ATRNL1: variants seen among roughly 807,000 people sequenced by gnomAD.
The protein encoded by ATRNL1 is attractin like 1.
In ATRNL1, 95 loss-of-function variants were observed where a neutral mutation model predicts 182.7. The observed-to-expected ratio is 0.52, with a 90% CI of 0.44 to 0.62. The LOEUF (loss-of-function observed/expected upper bound fraction) is 0.62. Ranked by LOEUF, ATRNL1 falls within the 20% of genes least tolerant of loss-of-function variation. The pLI is 0.00. For synonymous variants in ATRNL1, 576 were observed against 568.3 expected (o/e 1.01, Z -0.19); for missense variants, 1,471 against 1,679.5 (o/e 0.88, Z 2.17).
At chr10:115,258,980 C>T (rs1434770885) in intron 10 of ATRNL1, among the ~76,000 whole-genome samples, 1 of 152,130 alleles carries the variant, frequency 6.6e-6, no homozygotes, top group East Asian at 1.9e-4. Context: ...GCCTGATCCT[C>T]CCTCTGGAAG....
intron 24 of ATRNL1, among the ~76,000 whole-genome samples, chr10:115,514,042 T>C (rs17724010): frequency 0.21 from 32,425 of 151,864 alleles, 3,495 homozygotes; most frequent in South Asian, 0.25. Context: ...ACTTTACCCA[T>C]ACACTTCATC....
chr10:115,748,144 C>T (rs1241958811), intron 27 of ATRNL1, among the ~76,000 whole-genome samples: 1 of 151,880 alleles, frequency 6.6e-6, no homozygotes, highest in Non-Finnish European at 1.5e-5. Flanking sequence ...GCTAGTGAAG[C>T]CTGTAAGTCA....
chr10:115,112,432 T>A (rs1554868414), intron 1 of ATRNL1, among the ~76,000 whole-genome samples: 1 of 152,138 alleles, frequency 6.6e-6, no homozygotes. Context: ...GATTTCAAAT[T>A]TTTTTTGCAC....
intron 14 of ATRNL1, 37 bp from the exon 15 acceptor site, chr10:115,286,179 G>A: frequency 2.0e-6 from 2 of 1,011,656 alleles, no homozygotes; most frequent in Non-Finnish European, 3.0e-6. Context: ...TTGCTTTTTG[G>A]TAATCTAACA....
At chr10:115,257,828 G>T (rs1851220432) in intron 10 of ATRNL1, among the ~76,000 whole-genome samples, 1 of 152,172 alleles carries the variant, frequency 6.6e-6, no homozygotes, top group African/African-American at 2.4e-5. Flanking sequence ...CTCAGCATTT[G>T]CTTGTCTGTA....
chr10:115,164,804 G>C (rs1554883999), intron 6 of ATRNL1, among the ~76,000 whole-genome samples: 2 of 152,098 alleles, frequency 1.3e-5, no homozygotes, highest in Non-Finnish European at 2.9e-5. Flanking sequence ...TAGAATGGTG[G>C]CTACCACAGC....
chr10:115,696,761 G>C (rs1946572462), intron 26 of ATRNL1, among the ~76,000 whole-genome samples: 2 of 151,954 alleles, frequency 1.3e-5, no homozygotes, highest in Non-Finnish European at 1.5e-5. Context: ...AATTTATGAT[G>C]AAAAGAGGTT....
At chr10:115,776,381 G>A (rs117693354) in intron 27 of ATRNL1, among the ~76,000 whole-genome samples, 1,587 of 152,268 alleles carry the variant, frequency 0.01, 17 homozygotes, top group Middle Eastern at 0.017. Flanking sequence ...TCATAATAAT[G>A]TACAGTTGCT....
At chr10:115,527,996 C>CCCTT (rs1256687871) in intron 25 of ATRNL1, among the ~76,000 whole-genome samples, 24 of 54,022 alleles carry the variant, frequency 4.4e-4, no homozygotes, top group South Asian at 1.2e-3. Context: ...CTCCCTCCCT[C>CCCTT]CCTTCCTTCC....
At chr10:115,214,339 T>C (rs1244798606) in intron 8 of ATRNL1, among the ~76,000 whole-genome samples, 2 of 151,742 alleles carry the variant, frequency 1.3e-5, no homozygotes, top group Non-Finnish European at 2.9e-5. Context: ...GTTAAGTGGT[T>C]AAAGAATATT....
chr10:115,361,664 G>C (rs1196669110), intron 19 of ATRNL1, among the ~76,000 whole-genome samples: 1 of 152,016 alleles, frequency 6.6e-6, no homozygotes, highest in East Asian at 1.9e-4. Context: ...ACATGGGCTG[G>C]ATTTGGACCC....
chr10:115,778,679 G>A (rs925862959), intron 27 of ATRNL1, among the ~76,000 whole-genome samples: 10 of 152,224 alleles, frequency 6.6e-5, no homozygotes, highest in East Asian at 1.9e-4. Flanking sequence ...CATGCTGAGT[G>A]TCTTGGGCTT....
intron 5 of ATRNL1, among the ~76,000 whole-genome samples, chr10:115,148,769 T>C (rs139550325): frequency 8.0e-4 from 120 of 149,676 alleles, no homozygotes; most frequent in African/African-American, 2.8e-3. Flanking sequence ...TTTTTTTCTT[T>C]CTAAGAATCT....
intron 27 of ATRNL1, among the ~76,000 whole-genome samples, chr10:115,836,488 T>C (rs1363190380): frequency 1.3e-5 from 2 of 152,194 alleles, no homozygotes; most frequent in Non-Finnish European, 2.9e-5. Flanking sequence ...GCAGAGTTGA[T>C]TCCTCTGAGA....
chr10:115,897,810 T>C (rs1047685524), intron 28 of ATRNL1, among the ~76,000 whole-genome samples: 2 of 152,252 alleles, frequency 1.3e-5, no homozygotes, highest in Non-Finnish European at 2.9e-5. Context: ...ACTCTGGATG[T>C]CATAAATTTG....
chr10:115,822,835 C>T (rs1950336307), intron 27 of ATRNL1, among the ~76,000 whole-genome samples: 2 of 152,032 alleles, frequency 1.3e-5, no homozygotes, highest in South Asian at 2.1e-4. Flanking sequence ...GGTTCACAGC[C>T]GAATTCTACC....
intron 20 of ATRNL1, among the ~76,000 whole-genome samples, chr10:115,418,728 A>T (rs1217136222): frequency 3.9e-5 from 6 of 152,166 alleles, no homozygotes; most frequent in African/African-American, 1.4e-4. Context: ...TTTAAGAGAG[A>T]TCTAATATAA....
chr10:115,475,451 A>G (rs1554972925), intron 24 of ATRNL1, among the ~76,000 whole-genome samples: 1 of 151,490 alleles, frequency 6.6e-6, no homozygotes, highest in African/African-American at 2.4e-5. Context: ...TCCAGTGTCA[A>G]TGGATTGCTT....
At chr10:115,375,469 G>C (rs1554949293) in intron 19 of ATRNL1, among the ~76,000 whole-genome samples, 1 of 152,006 alleles carries the variant, frequency 6.6e-6, no homozygotes, top group Non-Finnish European at 1.5e-5. Flanking sequence ...TAAGTTTAAA[G>C]TAATTACTGA....
Sources: gnomAD v4.1 joint callset for allele counts (sites outside exome capture counted in the v4.1 genomes callset) on GRCh38, gnomAD v4.1.1 for gene constraint, MANE v1.5 for transcripts, NCBI Gene and HGNC (gene_info 2026-07-23, HGNC 2026-07-21) for gene names.